KCMF1: variants seen among roughly 807,000 people sequenced by gnomAD.
KCMF1 encodes potassium channel modulatory factor 1.
A neutral mutation model predicts 41.1 loss-of-function variants in KCMF1; 3 were observed. The ratio of observed to expected loss-of-function variants is 0.07; its 90% CI spans 0.03 to 0.19. KCMF1 has a LOEUF of 0.19. Ranked by LOEUF, KCMF1 falls within the 10% of genes least tolerant of loss-of-function variation. The pLI, the probability that KCMF1 is intolerant of heterozygous loss-of-function variation, is 1.00. For synonymous variants in KCMF1, 142 were observed against 164.5 expected (o/e 0.86, Z 1.04); for missense variants, 286 against 488.9 (o/e 0.58, Z 3.91).
intron 1 of KCMF1, among the ~76,000 whole-genome samples, chr2:85,013,296 C>G (rs770847628): frequency 1.3e-5 from 2 of 152,150 alleles, no homozygotes; most frequent in Non-Finnish European, 2.9e-5. Flanking sequence ...AGACCCAGGG[C>G]AGATCTTTTC....
chr2:85,033,798 A>G (rs1675344514), intron 2 of KCMF1, among the ~76,000 whole-genome samples: 1 of 152,188 alleles, frequency 6.6e-6, no homozygotes, highest in East Asian at 1.9e-4. Flanking sequence ...ACTGGGAAAA[A>G]AAGACTTATT....
At chr2:85,015,153 C>CAAAAA (rs34773304) in intron 1 of KCMF1, among the ~76,000 whole-genome samples, 4 of 49,018 alleles carry the variant, frequency 8.2e-5, no homozygotes, top group South Asian at 7.0e-4. Flanking sequence ...GACTCCATCT[C>CAAAAA]AAAAAAAAAA....
chr2:85,023,281 G>T (rs572775654), intron 1 of KCMF1, among the ~76,000 whole-genome samples: 2 of 148,658 alleles, frequency 1.3e-5, no homozygotes, highest in South Asian at 4.3e-4. Context: ...TTCATTCTGT[G>T]CATATTGAAC....
intron 1 of KCMF1, among the ~76,000 whole-genome samples, chr2:85,024,468 A>C (rs1037351380): frequency 2.6e-5 from 4 of 152,080 alleles, no homozygotes; most frequent in Non-Finnish European, 5.9e-5. Context: ...GTGAGACTCT[A>C]TCTCAAAAGA....
Position 84,986,151 on chromosome 2 carries a change from C to G in KCMF1, c.16+14684C>G, listed in dbSNP as rs147330395. Among the ~76,000 whole-genome samples the G allele has an allele frequency of 2.3e-3, 347 of 152,220 alleles. 1 individual carries two copies. Among genetic ancestry groups the G allele is most frequent in the African/African-American group, 7.7e-3 (321 of 41,542 alleles). On this transcript the variant is annotated intron_variant, in intron 1 of 6. Transcript: ENST00000409785. ...ACCTAAAACTTTGGGTCCTTATGTGCAAGGTATTATGATAAGTACTATGAG... is the reference window on the plus strand; with the variant it reads ...ACCTAAAACTTTGGGTCCTTATGTGGAAGGTATTATGATAAGTACTATGAG...
Position 85,007,307 on chromosome 2 carries a change from C to T in KCMF1, c.17-20582C>T, listed in dbSNP as rs139230635. Among the ~76,000 whole-genome samples the T allele has an allele frequency of 1.1e-3, 169 of 152,318 alleles. 2 individuals carry two copies. The highest frequency in any genetic ancestry group is 3.9e-3 in the African/African-American group (161 of 41,576). ...CCATGTGAGGAAAGAGCAGTTTGCA[C>T]TATTAGGTGGAAGCCCTTAGAAGAG... On this transcript the variant is annotated intron_variant, in intron 1 of 6. Coordinates refer to ENST00000409785, the MANE Select transcript of KCMF1 (RefSeq NM_020122.5).
chr2:85,009,586 T>G (rs573758820), intron 1 of KCMF1, among the ~76,000 whole-genome samples: 4 of 152,200 alleles, frequency 2.6e-5, no homozygotes, highest in Non-Finnish European at 5.9e-5. Context: ...TTTTCTTACT[T>G]TGAGGATATT....
intron 1 of KCMF1, among the ~76,000 whole-genome samples, chr2:84,988,109 G>T (rs761861236): frequency 1.3e-5 from 2 of 152,106 alleles, no homozygotes; most frequent in Non-Finnish European, 2.9e-5. Context: ...GCGCATGCCT[G>T]TAATCCCAGC....
rs142184122 is a variant in KCMF1 at position 84,993,601 on chromosome 2, A to G, written c.16+22134A>G. 6.0e-4 allele frequency among the ~76,000 whole-genome samples: 87 copies of G among 144,674 alleles called. No homozygotes were observed. In the East Asian group the frequency reaches 0.016, roughly 27 times the overall value. 94.9% of individuals were successfully genotyped at this position (144,674 alleles called of 152,430 possible). On this transcript the variant is annotated intron_variant, in intron 1 of 6. Transcript: ENST00000409785. ...TTTATTTATTTATTTTTGAGATGCA[A>G]TTTTACTCTTGTGCCCCAGGCTGGA...
intron 1 of KCMF1, among the ~76,000 whole-genome samples, chr2:84,998,657 G>C (rs2103986582): frequency 6.7e-6 from 1 of 149,312 alleles, no homozygotes; most frequent in South Asian, 2.1e-4. Flanking sequence ...CTGGAGTGCA[G>C]TGATACGTGA....
At position 85,053,221 on chromosome 2, in the gene KCMF1, G is replaced by C. The variant is rs1296361894; in HGVS notation, c.958G>C (p.Val320Leu). 6.2e-7 allele frequency: 1 copy of C among 1,613,880 alleles called. No individual in the cohort carries two copies. Residue 320 changes from valine to leucine, a missense_variant, in exon 7 of 7, where the codon GTC becomes CTC. Physicochemically the swap from Val to Leu is conservative, Grantham distance 32 (BLOSUM62 1). Coordinates refer to ENST00000409785, the MANE Select transcript of KCMF1 (RefSeq NM_020122.5). Reference sequence around the variant, plus strand: ...CGAGCGTGCAGACCGCAGCCTGTTTGTCCAAGAGCTCCTTCTGTCCACTTT... The same window carrying C: ...CGAGCGTGCAGACCGCAGCCTGTTTCTCCAAGAGCTCCTTCTGTCCACTTT... Reference protein sequence around the residue: ...ESERADRSLFVQELLLSTLVR... With the variant: ...ESERADRSLFLQELLLSTLVR...
Position 84,972,241 on chromosome 2 carries a change from G to A in KCMF1, c.16+774G>A, listed in dbSNP as rs993630321. ...GACCAGGTTTTGGAAAATGACGATG[G>A]TGAGGTCTGTTCATGGTCGGGGGTC... On this transcript the variant is annotated intron_variant, in intron 1 of 6. Coordinates refer to ENST00000409785, the MANE Select transcript of KCMF1 (RefSeq NM_020122.5). The A allele has an allele frequency of 7.2e-5, 11 of 152,438 alleles. No homozygotes were observed. The East Asian group carries it at 2.1e-3, about 29-fold the overall frequency. The allele number at this position is 152,438 out of a possible 1,614,324, so 9.4% of individuals were successfully genotyped here. A position where few individuals can be genotyped will look rare whatever the true frequency, so the allele number is the denominator to read the frequency against.
At chr2:84,985,828 CA>C (rs531502850) in intron 1 of KCMF1, among the ~76,000 whole-genome samples, 72 of 119,578 alleles carry the variant, frequency 6.0e-4, no homozygotes, top group Middle Eastern at 5.7e-3. Context: ...GACTCCATCT[CA>C]AAAAAAAAAA....
chr2:85,043,147 G>C (rs141076724), intron 3 of KCMF1, among the ~76,000 whole-genome samples: 11 of 152,320 alleles, frequency 7.2e-5, no homozygotes, highest in African/African-American at 2.6e-4. Flanking sequence ...GATCTCTGCT[G>C]TCTTATTTGG....
At chr2:85,043,445 C>T in intron 3 of KCMF1, 119 bp from the exon 4 acceptor site, 1 of 685,658 alleles carries the variant, frequency 1.5e-6, no homozygotes, top group East Asian at 2.7e-5. Flanking sequence ...GATTTAGGAT[C>T]TGCTGTGTTT....
At chr2:84,974,851 G>A (rs1315173091) in intron 1 of KCMF1, among the ~76,000 whole-genome samples, 3 of 150,582 alleles carry the variant, frequency 2.0e-5, no homozygotes, top group East Asian at 2.0e-4. Context: ...GATTGCAGGC[G>A]CCCACCACTG....
At chr2:85,035,377 A>T (rs1176833774) in intron 3 of KCMF1, among the ~76,000 whole-genome samples, 1 of 152,338 alleles carries the variant, frequency 6.6e-6, no homozygotes, top group Non-Finnish European at 1.5e-5. Flanking sequence ...CTTAACCTGT[A>T]GCTAAACCCA....
At chr2:85,044,982 C>T (rs1010940904) in intron 4 of KCMF1, among the ~76,000 whole-genome samples, 1 of 152,214 alleles carries the variant, frequency 6.6e-6, no homozygotes, top group Non-Finnish European at 1.5e-5. Flanking sequence ...TACAGTGGCT[C>T]ATGCCTATAC....
At chr2:85,040,842 C>T (rs1183229613) in intron 3 of KCMF1, among the ~76,000 whole-genome samples, 1 of 151,660 alleles carries the variant, frequency 6.6e-6, no homozygotes, top group Non-Finnish European at 1.5e-5. Context: ...CTCACTGCAA[C>T]CTCCGCTTCC....
Sources: gnomAD v4.1 joint callset for allele counts (sites outside exome capture counted in the v4.1 genomes callset) on GRCh38, gnomAD v4.1.1 for gene constraint, MANE v1.5 for transcripts, NCBI Gene and HGNC (gene_info 2026-07-23, HGNC 2026-07-21) for gene names.